The following STK32C variants were observed in gnomAD, a reference collection of about 807,000 sequenced individuals.
STK32C encodes the protein serine/threonine-protein kinase 32C.
STK32C carries 31 observed loss-of-function variants against 56.5 expected under a neutral mutation model. That is an observed-to-expected ratio of 0.55 (90% CI 0.41 to 0.74). The LOEUF is 0.74. STK32C is among the 30% of genes least tolerant of loss of function. STK32C has a pLI of 0.00. For missense variants in STK32C, 544 were observed against 676.9 expected (o/e 0.80, Z 2.18); for synonymous variants, 309 against 289.4 (o/e 1.07, Z -0.69).
intron 1 of STK32C, among the ~76,000 whole-genome samples, chr10:132,279,025 C>A: frequency 6.6e-6 from 1 of 152,252 alleles, no homozygotes; most frequent in South Asian, 2.1e-4. Context: ...CAGCCAGTGC[C>A]AGTTGCCCAT....
At chr10:132,278,752 T>TCC (rs2065063520) in intron 1 of STK32C, among the ~76,000 whole-genome samples, 1 of 125,718 alleles carries the variant, frequency 8.0e-6, no homozygotes. Context: ...AGAGCGAGAC[T>TCC]GTCTCAAAAA....
intron 2 of STK32C, among the ~76,000 whole-genome samples, chr10:132,235,890 A>T (rs1232880835): frequency 7.1e-6 from 1 of 141,014 alleles, no homozygotes; most frequent in Non-Finnish European, 1.6e-5. Context: ...CTACGAAGAG[A>T]GTCCTCATCT....
At chr10:132,245,212 G>C (rs916079799) in intron 2 of STK32C, among the ~76,000 whole-genome samples, 3 of 152,224 alleles carry the variant, frequency 2.0e-5, no homozygotes, top group African/African-American at 7.2e-5. Flanking sequence ...GCAGGAGGGA[G>C]GCAGCACCCA....
intron 1 of STK32C, among the ~76,000 whole-genome samples, chr10:132,326,180 A>G (rs1046858825): frequency 4.6e-5 from 7 of 152,204 alleles, no homozygotes; most frequent in African/African-American, 1.7e-4. Context: ...TCTCCGCCCC[A>G]CAAAAGACAG....
At chr10:132,262,650 C>T (rs529982665) in intron 1 of STK32C, among the ~76,000 whole-genome samples, 70 of 151,566 alleles carry the variant, frequency 4.6e-4, no homozygotes, top group Non-Finnish European at 8.7e-4. Context: ...CAGTGGCTCA[C>T]GCCTGTAATC....
At chr10:132,235,201 T>C (rs773506172) in intron 2 of STK32C, among the ~76,000 whole-genome samples, 3 of 152,044 alleles carry the variant, frequency 2.0e-5, no homozygotes, top group East Asian at 1.9e-4. Flanking sequence ...TAAACAGATA[T>C]GTTAAAAGAA....
chr10:132,214,043 C>T (rs992622415), intron 10 of STK32C, among the ~76,000 whole-genome samples: 1 of 151,768 alleles, frequency 6.6e-6, no homozygotes, highest in Admixed American at 6.6e-5. Flanking sequence ...AACGGCACCA[C>T]ACACGCATAA....
chr10:132,249,042 CCGACTGTG>C (rs759184447), intron 1 of STK32C: 12 of 474,644 alleles, frequency 2.5e-5, no homozygotes, highest in South Asian at 1.9e-4. Context: ...GCAAAGCCTC[CCGACTGTG>C]CGACGGAGGC....
At chr10:132,223,665 C>T (rs1160704994) in intron 8 of STK32C, among the ~76,000 whole-genome samples, 2 of 152,216 alleles carry the variant, frequency 1.3e-5, no homozygotes, top group East Asian at 3.9e-4. Context: ...GGCAAGGCCT[C>T]CCCAAGGATT....
chr10:132,296,143 G>T (rs2065740764), intron 1 of STK32C, among the ~76,000 whole-genome samples: 1 of 150,042 alleles, frequency 6.7e-6, no homozygotes, highest in African/African-American at 2.5e-5. Context: ...CCTCCCAAAG[G>T]CCCATAATCC....
At chr10:132,239,031 C>A (rs1245048061) in intron 2 of STK32C, among the ~76,000 whole-genome samples, 3 of 152,210 alleles carry the variant, frequency 2.0e-5, no homozygotes, top group African/African-American at 7.2e-5. Context: ...CCAAGCACTC[C>A]CCATCAGAGG....
chr10:132,261,641 T>G (rs1303133348), intron 1 of STK32C, among the ~76,000 whole-genome samples: 2 of 152,198 alleles, frequency 1.3e-5, no homozygotes, highest in African/African-American at 4.8e-5. Flanking sequence ...GGTGCACACC[T>G]GTAATCCCAG....
At chr10:132,286,807 A>G (rs2065418203) in intron 1 of STK32C, among the ~76,000 whole-genome samples, 1 of 152,236 alleles carries the variant, frequency 6.6e-6, no homozygotes, top group South Asian at 2.1e-4. Flanking sequence ...ACAGTAAATA[A>G]TAAAATGTTG....
intron 1 of STK32C, among the ~76,000 whole-genome samples, chr10:132,328,026 G>C (rs751621188): frequency 6.6e-6 from 1 of 152,158 alleles, no homozygotes; most frequent in Non-Finnish European, 1.5e-5. Flanking sequence ...TCTTGCCTCT[G>C]TAACTGCCCT....
intron 1 of STK32C, among the ~76,000 whole-genome samples, chr10:132,292,539 GCA>G (rs1284176751): frequency 6.6e-6 from 1 of 152,154 alleles, no homozygotes; most frequent in African/African-American, 2.4e-5. Flanking sequence ...GCACACGCAT[GCA>G]CACACTCACA....
intron 10 of STK32C, among the ~76,000 whole-genome samples, chr10:132,214,892 G>A (rs987778921): frequency 6.6e-6 from 1 of 152,144 alleles, no homozygotes; most frequent in African/African-American, 2.4e-5. Flanking sequence ...GCCAGGAGAG[G>A]AGATAAACTA....
At chr10:132,328,140 G>A (rs546874724) in intron 1 of STK32C, among the ~76,000 whole-genome samples, 91 of 152,252 alleles carry the variant, frequency 6.0e-4, no homozygotes, top group Non-Finnish European at 1.1e-3. Flanking sequence ...GCAGGAGACC[G>A]GAGTTCTACT....
intron 2 of STK32C, among the ~76,000 whole-genome samples, chr10:132,239,156 G>A (rs1818250877): frequency 6.6e-6 from 1 of 152,254 alleles, no homozygotes; most frequent in South Asian, 2.1e-4. Flanking sequence ...GGAACCCTCA[G>A]GATGCTGGTG....
intron 1 of STK32C, among the ~76,000 whole-genome samples, chr10:132,293,774 T>G (rs1471840127): frequency 2.6e-5 from 4 of 151,792 alleles, no homozygotes; most frequent in Non-Finnish European, 4.4e-5. Context: ...TCCAGCAGAC[T>G]GGGCCACACC....
Sources: allele counts gnomAD v4.1 joint callset (sites outside exome capture counted in the v4.1 genomes callset), GRCh38; gene constraint gnomAD v4.1.1; transcripts MANE v1.5; gene names NCBI Gene and HGNC (gene_info 2026-07-23, HGNC 2026-07-21).